Variants in PRDM6 observed in about 807,000 individuals in gnomAD.
The protein encoded by PRDM6 is PR/SET domain 6.
Under a neutral mutation model 60.8 loss-of-function variants are expected in PRDM6, and 25 were observed. The observed-to-expected ratio is 0.41, with a 90% CI of 0.30 to 0.57. The LOEUF is 0.57. Among genes scored for constraint, PRDM6 ranks in the 20% least tolerant of loss-of-function variants. The pLI, the probability that PRDM6 is intolerant of heterozygous loss-of-function variation, is 0.27. For synonymous variants in PRDM6, 407 were observed against 357.4 expected, an observed-to-expected ratio of 1.14 and a Z score of -1.57; for missense variants, 839 against 821.3, an observed-to-expected ratio of 1.02 and a Z score of -0.26.
rs971605669 is a variant in PRDM6, at chr5:123,099,805, G to T, written c.744G>T (p.Val248=). The T allele has an allele frequency of 6.5e-7, 1 of 1,549,334 alleles. No homozygotes were observed. Among genetic ancestry groups the T allele is most frequent in the African/African-American group, 1.4e-5 (1 of 72,994 alleles). ...PEWLRDLPRE[V]CLCTSTVPGL... Reference sequence around the variant, plus strand: ...GGCTGCGGGACCTGCCTCGCGAGGTGTGCCTCTGCACCAGTACTGTGCCCG... The same window carrying T: ...GGCTGCGGGACCTGCCTCGCGAGGTTTGCCTCTGCACCAGTACTGTGCCCG... Residue 248 remains valine (V), a synonymous_variant, in exon 3 of 8, where the codon GTG becomes GTT. Transcript: ENST00000407847. This position sits in a 1 kb window ranked among gnomAD's most constrained non-coding sequence, Gnocchi z 4.0.
chr5:123,093,680 G>C (rs1234969644), intron 2 of PRDM6, among the ~76,000 whole-genome samples: 1 of 152,176 alleles, frequency 6.6e-6, no homozygotes, highest in Non-Finnish European at 1.5e-5. Context: ...CTCATTTGCT[G>C]CTGGGCTGCC....
At chr5:123,130,316 C>T (rs1208538041) in intron 3 of PRDM6, among the ~76,000 whole-genome samples, 2 of 90,174 alleles carry the variant, frequency 2.2e-5, no homozygotes, top group African/African-American at 8.5e-5. Flanking sequence ...CCCTTCCCTT[C>T]CTTCTCTCCC....
chr5:123,106,433 A>G (rs77627004), intron 3 of PRDM6, among the ~76,000 whole-genome samples: 1 of 152,188 alleles, frequency 6.6e-6, no homozygotes, highest in Non-Finnish European at 1.5e-5. Flanking sequence ...GTGGTAAAAA[A>G]TGGCGCAGCA....
intron 3 of PRDM6, among the ~76,000 whole-genome samples, chr5:123,121,097 C>A (rs1580494676): frequency 6.6e-6 from 1 of 152,010 alleles, no homozygotes; most frequent in African/African-American, 2.4e-5. Context: ...AAATTTCTTA[C>A]TTTGTGCAAA....
chr5:123,184,481 C>T (rs1484114758), intron 7 of PRDM6, among the ~76,000 whole-genome samples: 1 of 152,148 alleles, frequency 6.6e-6, no homozygotes, highest in African/African-American at 2.4e-5. Flanking sequence ...CACAACGAAG[C>T]CCCTGAGTGC....
At chr5:123,139,545 T>C (rs139134335) in intron 3 of PRDM6, among the ~76,000 whole-genome samples, 1,649 of 152,240 alleles carry the variant, frequency 0.011, 9 homozygotes, top group Non-Finnish European at 0.016. Context: ...AGCATATGGA[T>C]GGTGTGGTCC....
intron 2 of PRDM6, among the ~76,000 whole-genome samples, chr5:123,092,137 A>G (rs1275821315): frequency 6.6e-6 from 1 of 152,240 alleles, no homozygotes; most frequent in East Asian, 1.9e-4. Context: ...AGTTGAGAAG[A>G]CTTGTATTTC....
intron 3 of PRDM6, among the ~76,000 whole-genome samples, chr5:123,130,038 G>GTCCTTTCCTTCCCTTCTCTT (rs1241715320): frequency 9.5e-6 from 1 of 105,570 alleles, no homozygotes; most frequent in African/African-American, 3.8e-5. Context: ...TCCCTTCCCT[G>GTCCTTTCCTTCCCTTCTCTT]TCCTTTCCTT....
At chr5:123,176,700 G>A (rs1400624755) in intron 6 of PRDM6, among the ~76,000 whole-genome samples, 3 of 152,108 alleles carry the variant, frequency 2.0e-5, no homozygotes, top group South Asian at 2.1e-4. Context: ...GCAACAGAGC[G>A]AGACCCTGTC....
intron 3 of PRDM6, among the ~76,000 whole-genome samples, chr5:123,154,405 G>C (rs1765446657): frequency 6.6e-6 from 1 of 152,092 alleles, no homozygotes; most frequent in African/African-American, 2.4e-5. Context: ...TGTTTACCCA[G>C]TCATAACTTC....
chr5:123,123,602 A>C (rs1235556049), intron 3 of PRDM6, among the ~76,000 whole-genome samples: 2 of 152,240 alleles, frequency 1.3e-5, no homozygotes, highest in Non-Finnish European at 2.9e-5. Flanking sequence ...TGCAAAAAAA[A>C]TATTTTACAA....
chr5:123,138,452 C>T (rs1374761618), intron 3 of PRDM6, among the ~76,000 whole-genome samples: 4 of 152,230 alleles, frequency 2.6e-5, no homozygotes, highest in Non-Finnish European at 5.9e-5. Context: ...CCTATATAAT[C>T]TCTGCTCTTT....
chr5:123,115,042 G>A (rs1252550482), intron 3 of PRDM6, among the ~76,000 whole-genome samples: 1 of 152,110 alleles, frequency 6.6e-6, no homozygotes, highest in African/African-American at 2.4e-5. Context: ...GGTCTGCTTG[G>A]GTGAGGGTAT....
chr5:123,176,301 G>A (rs1393168016), intron 6 of PRDM6, among the ~76,000 whole-genome samples: 15 of 140,974 alleles, frequency 1.1e-4, no homozygotes, highest in Admixed American at 8.6e-4. Context: ...AAAACCATAA[G>A]TTACTTGTGG....
intron 2 of PRDM6, among the ~76,000 whole-genome samples, chr5:123,093,432 A>G (rs1211438282): frequency 6.6e-6 from 1 of 152,190 alleles, no homozygotes; most frequent in East Asian, 1.9e-4. Context: ...TGGGGCTTGT[A>G]GCTCTCTTTC....
intron 6 of PRDM6, among the ~76,000 whole-genome samples, chr5:123,177,706 G>A (rs1272152170): frequency 6.6e-6 from 1 of 152,120 alleles, no homozygotes; most frequent in African/African-American, 2.4e-5. Context: ...CTGTATCTTG[G>A]GAGGCAGTGT....
At chr5:123,113,955 T>C (rs570682) in intron 3 of PRDM6, among the ~76,000 whole-genome samples, 123,788 of 152,186 alleles carry the variant, frequency 0.81, 50,654 homozygotes, top group Middle Eastern at 0.91. Context: ...CATGAGGCAT[T>C]GTACAGGTCA....
At chr5:123,177,596 A>G (rs1766046063) in intron 6 of PRDM6, among the ~76,000 whole-genome samples, 1 of 152,190 alleles carries the variant, frequency 6.6e-6, no homozygotes, top group Admixed American at 6.5e-5. Flanking sequence ...AATTTTCCAT[A>G]TTCCAATGAG....
At chr5:123,093,244 A>G (rs1389231771) in intron 2 of PRDM6, among the ~76,000 whole-genome samples, 1 of 152,092 alleles carries the variant, frequency 6.6e-6, no homozygotes, top group Non-Finnish European at 1.5e-5. Context: ...TCTTTTTCTC[A>G]CAAGGCGAAA....
Sources: allele counts gnomAD v4.1 joint callset (sites outside exome capture counted in the v4.1 genomes callset), GRCh38; gene constraint gnomAD v4.1.1; non-coding constraint Gnocchi (gnomAD v3.1); transcripts MANE v1.5; gene names NCBI Gene and HGNC (gene_info 2026-07-23, HGNC 2026-07-21).